DENND2A: variants seen among roughly 807,000 people sequenced by gnomAD.
DENND2A encodes the protein DENN domain containing 2A.
DENND2A carries 53 observed loss-of-function variants against 105.3 expected under a neutral mutation model. The ratio of observed to expected loss-of-function variants is 0.50; its 90% CI spans 0.40 to 0.63. The LOEUF is 0.63. Among genes scored for constraint, DENND2A ranks in the 30% least tolerant of loss-of-function variants. DENND2A has a pLI of 0.00. For synonymous variants in DENND2A, 522 were observed against 508.4 expected, an observed-to-expected ratio of 1.03 and a Z score of -0.36; for missense variants, 1,138 against 1,279.6, an observed-to-expected ratio of 0.89 and a Z score of 1.69.
At chr7:140,552,590 G>T (rs1349471976) in intron 12 of DENND2A, among the ~76,000 whole-genome samples, 1 of 151,982 alleles carries the variant, frequency 6.6e-6, no homozygotes, top group African/African-American at 2.4e-5. Context: ...TAGAGACAGG[G>T]TTTCACCATG....
At chr7:140,610,430 T>TGA (rs1006201413) in intron 1 of DENND2A, among the ~76,000 whole-genome samples, 5 of 151,834 alleles carry the variant, frequency 3.3e-5, no homozygotes, top group East Asian at 3.9e-4. Context: ...CCCTTAATTT[T>TGA]GAGAGAGAGA....
In DENND2A at chr7:140,549,000, C is replaced by T. The variant is rs1311111117; in HGVS notation, c.2038-2061G>A. On this transcript the variant is annotated intron_variant, in intron 12 of 19. Transcript: ENST00000496613. ...TTGGGAGGCCAAGGCTGGCGGATCA[C>T]TTGAGGTCAGGAGTTTGAGACCAGC... Among the ~76,000 whole-genome samples, 3 of 151,662 alleles carry T rather than the reference C, an allele frequency of 2.0e-5. No homozygotes were observed. In the East Asian group the frequency reaches 6.1e-4, roughly 31 times the overall value.
At chr7:140,532,642 T>C (rs1333638576) in intron 14 of DENND2A, among the ~76,000 whole-genome samples, 1 of 152,144 alleles carries the variant, frequency 6.6e-6, no homozygotes, top group Non-Finnish European at 1.5e-5. Flanking sequence ...TAACTCTGAA[T>C]GTAGGATGGG....
At chr7:140,522,134 G>A (rs1795883644) in intron 17 of DENND2A, 34 bp from the exon 18 acceptor site, 2 of 1,611,226 alleles carry the variant, frequency 1.2e-6, no homozygotes, top group Non-Finnish European at 1.7e-6. Flanking sequence ...GGAACGGTGA[G>A]GGCAGACAGG....
chr7:140,529,439 T>G (rs1359091780), intron 14 of DENND2A, among the ~76,000 whole-genome samples: 2 of 152,206 alleles, frequency 1.3e-5, no homozygotes, highest in African/African-American at 4.8e-5. Flanking sequence ...GCCATCCCAT[T>G]ACTGGGTATA....
chr7:140,523,744 T>G lies in DENND2A; in HGVS notation c.2548-320A>C, dbSNP rs957224576. On this transcript the variant is annotated intron_variant, in intron 16 of 19. Transcript: ENST00000496613. The surrounding 1 kb of genome is among the most constrained non-coding windows in gnomAD (Gnocchi z 4.5). ...CGCGTGCCACCGCTCCTGGCTAATG[T>G]TTTGTATTTTTAGTAGTTTAGTTTC... Among the ~76,000 whole-genome samples, 9 of 152,224 alleles carry G rather than the reference T, an allele frequency of 5.9e-5. No individual in the cohort carries two copies. The East Asian group carries it at 1.7e-3, about 29-fold the overall frequency.
At chr7:140,556,022 G>C (rs771069279) in intron 11 of DENND2A, among the ~76,000 whole-genome samples, 1 of 151,118 alleles carries the variant, frequency 6.6e-6, no homozygotes, top group Non-Finnish European at 1.5e-5. Flanking sequence ...TTTTTGTTTT[G>C]TTTTGTTTTG....
In DENND2A at chr7:140,575,802, C is replaced by G. The variant is rs144040271; in HGVS notation, c.1246-1794G>C. Among the ~76,000 whole-genome samples, 693 of 152,132 alleles carry G rather than the reference C, an allele frequency of 4.6e-3. 3 individuals carry two copies. Among genetic ancestry groups the G allele is most frequent in the Middle Eastern group, 0.031 (9 of 294 alleles). ...GACCAATATGGTGAAACCCCAGTCT[C>G]TATTAAAAATACAAAAATTAGCCTG... On this transcript the variant is annotated intron_variant, in intron 5 of 19. Transcript: ENST00000496613.
chr7:140,619,962 G>C (rs189232131), intron 1 of DENND2A, among the ~76,000 whole-genome samples: 14 of 152,016 alleles, frequency 9.2e-5, no homozygotes, highest in Admixed American at 8.5e-4. Flanking sequence ...GAAGGCCAAG[G>C]CTGGTGGATC....
chr7:140,593,259 G>T (rs992378163), intron 3 of DENND2A, among the ~76,000 whole-genome samples: 32 of 152,204 alleles, frequency 2.1e-4, no homozygotes, highest in African/African-American at 7.7e-4. Context: ...ATACAAAGGC[G>T]AGAGGTCCCT....
chr7:140,610,435 G>C (rs148057821), intron 1 of DENND2A, among the ~76,000 whole-genome samples: 1 of 152,038 alleles, frequency 6.6e-6, no homozygotes, highest in African/African-American at 2.4e-5. Context: ...AATTTTGAGA[G>C]AGAGAGAGAT....
rs1448470567 is a variant in DENND2A, at chr7:140,523,300, C to T, written c.2665+7G>A. On this transcript the variant is annotated splice_region_variant and intron_variant, in intron 17 of 19. Transcript: ENST00000496613. This position sits in a 1 kb window ranked among gnomAD's most constrained non-coding sequence, Gnocchi z 4.5. ...AGAGACCCACTGGGAGGTGGCTGAA[C>T]ACTTACCGTGCCTGCCGTCTAGGGG... 6 of 1,613,870 alleles carry T rather than the reference C, an allele frequency of 3.7e-6. No individual in the cohort carries two copies. The highest frequency in any genetic ancestry group is 5.1e-6 in the Non-Finnish European group (6 of 1,179,888).
chr7:140,557,428 G>C (rs1384436435), intron 11 of DENND2A, among the ~76,000 whole-genome samples: 1 of 145,430 alleles, frequency 6.9e-6, no homozygotes, highest in East Asian at 2.1e-4. Flanking sequence ...TTTTCTTTCT[G>C]ATGGAAACGG....
intron 12 of DENND2A, among the ~76,000 whole-genome samples, chr7:140,550,128 TAGGGG>T (rs1563133290): frequency 4.4e-4 from 2 of 4,504 alleles, no homozygotes; most frequent in Non-Finnish European, 1.2e-3. Flanking sequence ...GGGGAGGGGA[TAGGGG>T]TGGGGTTAGG....
chr7:140,540,788 G>A (rs1359854726), intron 14 of DENND2A, among the ~76,000 whole-genome samples: 1 of 151,946 alleles, frequency 6.6e-6, no homozygotes, highest in Non-Finnish European at 1.5e-5. Context: ...CATGATCTCG[G>A]CTCTCCACAA....
intron 9 of DENND2A, among the ~76,000 whole-genome samples, chr7:140,563,019 TG>T (rs1797694218): frequency 6.6e-6 from 1 of 152,178 alleles, no homozygotes; most frequent in South Asian, 2.1e-4. Flanking sequence ...AAATACCAGC[TG>T]GGTGTAATTA....
chr7:140,585,107 A>T (rs1563159072), intron 5 of DENND2A, among the ~76,000 whole-genome samples: 1 of 152,294 alleles, frequency 6.6e-6, no homozygotes, highest in East Asian at 1.9e-4. Context: ...CTGAGGTGGG[A>T]GGATTGACTG....
At chr7:140,580,185 C>T (rs571960937) in intron 5 of DENND2A, among the ~76,000 whole-genome samples, 15 of 152,106 alleles carry the variant, frequency 9.9e-5, no homozygotes, top group South Asian at 6.2e-4. Context: ...CAATTGTGGA[C>T]GAGTTTTTTT....
chr7:140,595,842 G>T (rs1172054248), intron 3 of DENND2A, among the ~76,000 whole-genome samples: 1 of 151,906 alleles, frequency 6.6e-6, no homozygotes, highest in East Asian at 1.9e-4. Context: ...AGAAATCAAG[G>T]ATGCCACGCG....
Sources: gnomAD v4.1 joint callset for allele counts (sites outside exome capture counted in the v4.1 genomes callset) on GRCh38, gnomAD v4.1.1 for gene constraint, Gnocchi (gnomAD v3.1) non-coding constraint, MANE v1.5 for transcripts, NCBI Gene and HGNC (gene_info 2026-07-23, HGNC 2026-07-21) for gene names.